The following STAG1 variants were observed in gnomAD, a reference collection of about 807,000 sequenced individuals.
STAG1 encodes the protein STAG1 cohesin complex component, also known as cohesin subunit SA-1.
A neutral mutation model predicts 170.9 loss-of-function variants in STAG1; 26 were observed. The observed-to-expected ratio is 0.15, with a 90% confidence interval of 0.11 to 0.21. The LOEUF (loss-of-function observed/expected upper bound fraction) is 0.21, where lower values mean the gene tolerates loss of function less well. Among genes scored for constraint, STAG1 ranks in the 10% least tolerant of loss-of-function variants. The pLI, the probability that STAG1 is intolerant of heterozygous loss-of-function variation, is 1.00. For missense variants in STAG1, 964 were observed against 1,509.5 expected (o/e 0.64, Z 5.99); for synonymous variants, 514 against 497.7 (o/e 1.03, Z -0.44).
intron 4 of STAG1, among the ~76,000 whole-genome samples, chr3:136,581,568 A>G (rs773278098): frequency 5.3e-5 from 8 of 152,226 alleles, no homozygotes; most frequent in South Asian, 2.1e-4. Flanking sequence ...GGTTTGCAAA[A>G]TAAGTATTTA....
At chr3:136,693,719 C>A (rs1410030822) in intron 1 of STAG1, among the ~76,000 whole-genome samples, 1 of 152,092 alleles carries the variant, frequency 6.6e-6, no homozygotes, top group Middle Eastern at 3.4e-3. Context: ...CAAGTGCACA[C>A]CCCCATACTC....
chr3:136,708,367 C>T (rs1399440139), intron 1 of STAG1, among the ~76,000 whole-genome samples: 1 of 151,424 alleles, frequency 6.6e-6, no homozygotes, highest in South Asian at 2.1e-4. Flanking sequence ...TAAAAGAAGC[C>T]AAATATTATA....
At chr3:136,622,997 CAATT>C (rs1298140728) in intron 3 of STAG1, 145 bp downstream of exon 3, 10 of 606,190 alleles carry the variant, frequency 1.6e-5, no homozygotes, top group Non-Finnish European at 2.9e-5. Context: ...ACTGCCAAGA[CAATT>C]TATGTGAAAA....
At chr3:136,500,346 A>G in intron 8 of STAG1, 50 bp from the exon 9 acceptor site, 2 of 1,261,376 alleles carry the variant, frequency 1.6e-6, no homozygotes, top group Non-Finnish European at 1.1e-6. Context: ...TTTTATTTGG[A>G]AGGAACAGCT....
chr3:136,340,633 G>A (rs772994001), intron 31 of STAG1, 28 bp from the exon 32 acceptor site: 1 of 1,458,310 alleles, frequency 6.9e-7, no homozygotes, highest in South Asian at 1.1e-5. Context: ...TTGTCAGAAA[G>A]CTCATCAGAC....
intron 9 of STAG1, among the ~76,000 whole-genome samples, chr3:136,498,237 CAT>C (rs2107858586): frequency 2.0e-5 from 1 of 48,826 alleles, no homozygotes; most frequent in African/African-American, 8.4e-5. Context: ...TATATATACA[CAT>C]ACATATACAT....
In STAG1 at chr3:136,478,549, T is replaced by C. The variant is rs115595395; in HGVS notation, c.903-1137A>G. On this transcript the variant is annotated intron_variant, in intron 9 of 33. Coordinates refer to ENST00000383202, the MANE Select transcript of STAG1 (RefSeq NM_005862.3). ...CATTCACAAATGTTAAAATTTTAAG[T>C]AATTTTTAATTATCCAATTTACAAA... 7.7e-3 allele frequency among the ~76,000 whole-genome samples: 1,169 copies of C among 152,338 alleles called. 18 individuals carry two copies. Among genetic ancestry groups the C allele is most frequent in the African/African-American group, 0.027 (1,137 of 41,574 alleles).
At chr3:136,548,984 G>A (rs1471583798) in intron 5 of STAG1, among the ~76,000 whole-genome samples, 1 of 152,144 alleles carries the variant, frequency 6.6e-6, no homozygotes, top group Non-Finnish European at 1.5e-5. Flanking sequence ...ATTCTGCCAT[G>A]ATTGTACGTT....
chr3:136,740,760 G>A (rs1934624544), intron 1 of STAG1, among the ~76,000 whole-genome samples: 1 of 152,138 alleles, frequency 6.6e-6, no homozygotes, highest in Non-Finnish European at 1.5e-5. Context: ...GATTACAGGT[G>A]GAAGCCACTA....
At chr3:136,733,904 A>G (rs745700738) in intron 1 of STAG1, among the ~76,000 whole-genome samples, 100 of 152,180 alleles carry the variant, frequency 6.6e-4, no homozygotes, top group Non-Finnish European at 8.7e-4. Context: ...TCAGGAGATC[A>G]AGACCATCCT....
chr3:136,459,957 C>T (rs1205839285), intron 13 of STAG1, among the ~76,000 whole-genome samples: 2 of 151,542 alleles, frequency 1.3e-5, no homozygotes, highest in Non-Finnish European at 2.9e-5. Flanking sequence ...ACTAGAAGAC[C>T]CACACAAAAA....
At position 136,369,132 on chromosome 3, in the gene STAG1, G is replaced by C. The variant is rs1007765531; in HGVS notation, c.2521C>G (p.Gln841Glu). 1.1e-5 allele frequency: 17 copies of C among 1,566,770 alleles called. No individual in the cohort carries two copies. Among genetic ancestry groups the C allele is most frequent in the Non-Finnish European group, 1.5e-5 (17 of 1,162,184 alleles). The stretch of plus-strand genomic sequence containing the variant: ...CCCATGCTCTGGTTCTCCTCGTCTT[G>C]GTCAATAAAAACGTGATCCATCACA... The part of the protein sequence containing the change: ...SFVMDHVFID[Q>E]DEENQSMEGD... Residue 841 changes from glutamine to glutamate, a missense_variant, in exon 24 of 34, where the codon CAA becomes GAA. Physicochemically the swap from Gln to Glu is conservative, Grantham distance 29. Transcript: ENST00000383202.
intron 3 of STAG1, among the ~76,000 whole-genome samples, chr3:136,607,193 G>A (rs1164192084): frequency 6.6e-6 from 1 of 152,036 alleles, no homozygotes; most frequent in East Asian, 1.9e-4. Context: ...TTTCCATAGT[G>A]TACCCTTCAG....
At chr3:136,391,988 G>A (rs2087022667) in intron 22 of STAG1, among the ~76,000 whole-genome samples, 1 of 152,104 alleles carries the variant, frequency 6.6e-6, no homozygotes, top group South Asian at 2.1e-4. Flanking sequence ...AGTGTTTACT[G>A]TTGAGTTAAA....
intron 1 of STAG1, among the ~76,000 whole-genome samples, chr3:136,713,970 G>A (rs901893607): frequency 3.3e-5 from 5 of 152,018 alleles, no homozygotes; most frequent in Admixed American, 3.3e-4. Context: ...GTTGCAGTGA[G>A]CCAAGATCGT....
intron 1 of STAG1, among the ~76,000 whole-genome samples, chr3:136,695,438 A>G (rs934442034): frequency 1.4e-5 from 2 of 146,426 alleles, no homozygotes; most frequent in Non-Finnish European, 3.0e-5. Flanking sequence ...CTCTGTCTCA[A>G]AAAAAAAAAA....
chr3:136,577,005 G>A (rs184165432), intron 4 of STAG1, among the ~76,000 whole-genome samples: 1 of 152,188 alleles, frequency 6.6e-6, no homozygotes, highest in Non-Finnish European at 1.5e-5. Context: ...GCTAGTAATC[G>A]ATGTCATATA....
At chr3:136,390,321 A>G (rs1020095288) in intron 22 of STAG1, among the ~76,000 whole-genome samples, 2 of 152,204 alleles carry the variant, frequency 1.3e-5, no homozygotes, top group Non-Finnish European at 2.9e-5. Flanking sequence ...TGGGTTGAAT[A>G]TAATTTTGGA....
At chr3:136,672,448 C>A (rs1942005887) in intron 1 of STAG1, among the ~76,000 whole-genome samples, 1 of 152,068 alleles carries the variant, frequency 6.6e-6, no homozygotes, top group South Asian at 2.1e-4. Context: ...TGTATATTTC[C>A]AGATATATTG....
Sources: allele counts gnomAD v4.1 joint callset (sites outside exome capture counted in the v4.1 genomes callset), GRCh38; gene constraint gnomAD v4.1.1; transcripts MANE v1.5; gene names NCBI Gene and HGNC (gene_info 2026-07-23, HGNC 2026-07-21).